TGFBRAP1: variants seen among roughly 807,000 people sequenced by gnomAD.
TGFBRAP1 encodes the protein transforming growth factor-beta receptor-associated protein 1.
TGFBRAP1 carries 20 observed loss-of-function variants against 83.2 expected under a neutral mutation model. That is an observed-to-expected ratio of 0.24 (90% CI 0.17 to 0.35). The LOEUF (loss-of-function observed/expected upper bound fraction) is 0.35, where lower values mean the gene tolerates loss of function less well. Among genes scored for constraint, TGFBRAP1 ranks in the 10% least tolerant of loss-of-function variants. The probability of loss-of-function intolerance (pLI) is 1.00; values close to 1 mark genes in which losing one functional copy is unlikely to be tolerated. For synonymous variants in TGFBRAP1, 415 were observed against 459.8 expected (o/e 0.90, Z 1.25); for missense variants, 950 against 1,099.4 (o/e 0.86, Z 1.92).
At chr2:105,250,539 A>G in the TGFBRAP1 span, among the ~76,000 whole-genome samples, 1 of 150,190 alleles carries the variant, frequency 6.7e-6, no homozygotes, top group Non-Finnish European at 1.5e-5. Flanking sequence ...TGCTGCCGGG[A>G]AGGAAGGAAA....
At chr2:105,267,717 T>C (rs1192051811) in intron 11 of TGFBRAP1, 158 bp from the exon 12 acceptor site, 8 of 985,314 alleles carry the variant, frequency 8.1e-6, no homozygotes, top group Non-Finnish European at 9.6e-6. Flanking sequence ...ATGCTAAAGG[T>C]GTAAATAAAA....
At chr2:105,301,961 G>A in intron 2 of TGFBRAP1, among the ~76,000 whole-genome samples, 1 of 118,676 alleles carries the variant, frequency 8.4e-6, no homozygotes. Context: ...ACAAATACCT[G>A]AAACTTATAT....
chr2:105,269,611 C>T lies in TGFBRAP1; in HGVS notation c.2067G>A (p.Glu689=). The change falls in exon 11 of 12, where the codon GAG becomes GAA. Residue 689 remains glutamate (E), a synonymous_variant. Coordinates refer to ENST00000393359, the MANE Select transcript of TGFBRAP1 (RefSeq NM_004257.6). This position sits in a 1 kb window ranked among gnomAD's most constrained non-coding sequence, Gnocchi z 4.1. ...CCTCGGCCGCTGCAAAGTCCTGCAG[C>T]TCGTGCACCAGGATATGCAGCGCCT... ...HEKALHILVH[E]LQDFAAAEDY... is the part of the protein sequence containing the mutation. 1.2e-6 allele frequency: 2 copies of T among 1,608,354 alleles called. No homozygotes were observed. Among genetic ancestry groups the T allele is most frequent in the Non-Finnish European group, 8.5e-7 (1 of 1,176,442 alleles).
intron 10 of TGFBRAP1, among the ~76,000 whole-genome samples, chr2:105,272,384 G>A (rs1372214576): frequency 2.6e-5 from 4 of 152,204 alleles, no homozygotes; most frequent in East Asian, 1.9e-4. Context: ...GACTGAAGCC[G>A]TCAGAGGGAA....
chr2:105,305,179 A>G (rs1440111468), intron 2 of TGFBRAP1, among the ~76,000 whole-genome samples: 1 of 152,210 alleles, frequency 6.6e-6, no homozygotes, highest in Non-Finnish European at 1.5e-5. Context: ...CTGTGAACCT[A>G]AAACTGCTCT....
chr2:105,310,741 C>A (rs1678663243), intron 1 of TGFBRAP1, among the ~76,000 whole-genome samples: 1 of 152,102 alleles, frequency 6.6e-6, no homozygotes, highest in African/African-American at 2.4e-5. Context: ...ACATTTTTTT[C>A]TCCATTTAAG....
chr2:105,278,071 T>A, intron 6 of TGFBRAP1, among the ~76,000 whole-genome samples: 1 of 12,130 alleles, frequency 8.2e-5, no homozygotes, highest in Non-Finnish European at 2.1e-4. Context: ...AAAATATATG[T>A]GTGTGTGTGT....
At chr2:105,316,462 TGCGCGCGCGCGC>T (rs764527678) in intron 1 of TGFBRAP1, among the ~76,000 whole-genome samples, 4 of 84,816 alleles carry the variant, frequency 4.7e-5, no homozygotes, top group Admixed American at 1.2e-4. Flanking sequence ...TGTGTGTGTG[TGCGCGCGCGCGC>T]GCGCGCACGC....
chr2:105,306,311 T>C, intron 2 of TGFBRAP1, among the ~76,000 whole-genome samples: 1 of 151,974 alleles, frequency 6.6e-6, no homozygotes, highest in East Asian at 2.0e-4. Context: ...ATCCACCTGC[T>C]TTGGCCTCCC....
chr2:105,297,649 T>G (rs1222335496), intron 3 of TGFBRAP1, among the ~76,000 whole-genome samples: 1 of 152,234 alleles, frequency 6.6e-6, no homozygotes, highest in African/African-American at 2.4e-5. Flanking sequence ...TAAAAGCCAT[T>G]CTTAGGTCAA....
At chr2:105,257,489 C>T in the TGFBRAP1 span, among the ~76,000 whole-genome samples, 2 of 152,170 alleles carry the variant, frequency 1.3e-5, no homozygotes, top group Non-Finnish European at 2.9e-5. Flanking sequence ...TTCTAGGTGT[C>T]TCATAGAAGT....
chr2:105,299,918 C>G (rs1678226107), intron 2 of TGFBRAP1, among the ~76,000 whole-genome samples: 1 of 152,210 alleles, frequency 6.6e-6, no homozygotes, highest in Non-Finnish European at 1.5e-5. Context: ...CACCCACAAA[C>G]TAATTCTATT....
chr2:105,293,374 A>T (rs771850873), intron 4 of TGFBRAP1, among the ~76,000 whole-genome samples: 2 of 152,236 alleles, frequency 1.3e-5, no homozygotes, highest in Non-Finnish European at 2.9e-5. Context: ...AAAGTTCTGA[A>T]CAACCCTTTT....
rs773621323 is a variant in TGFBRAP1, at chr2:105,272,916, C to T, written c.1911G>A (p.Thr637=). The change falls in exon 10 of 12, where the codon ACG becomes ACA. Residue 637 remains threonine (T), a synonymous_variant. Transcript: ENST00000393359. The part of the protein sequence containing the change: ...ASGKGAEATE[T]QAKLRRLLQK... ...GGAGCAGCCGCCGCAGCTTGGCCTG[C>T]GTCTCGGTGGCCTCTGCACCCTTGC... 4.3e-6 allele frequency: 7 copies of T among 1,610,622 alleles called. No individual in the cohort carries two copies. In the East Asian group the frequency reaches 6.7e-5, roughly 15 times the overall value.
Position 105,280,460 on chromosome 2 carries a change from T to A in TGFBRAP1, c.1385A>T (p.Asp462Val). The change falls in exon 6 of 12, where the codon GAC (aspartate) becomes GTC (valine). Residue 462 changes from aspartate to valine, a missense_variant. By Grantham distance (152) the Asp-to-Val change is radical. Transcript: ENST00000393359. Reference protein sequence around the residue: ...LLKLYAEADHDSLLDLLVTEN... With the variant: ...LLKLYAEADHVSLLDLLVTEN... ...AGTGACCAGGAGGTCCAGCAGGCTG[T>A]CGTGGTCAGCCTCTGCATACAGTTT... 6.2e-7 allele frequency: 1 copy of A among 1,614,186 alleles called. No homozygotes were observed. The highest frequency in any genetic ancestry group is 8.5e-7 in the Non-Finnish European group (1 of 1,180,020).
At chr2:105,282,985 C>T (rs1290936627) in intron 5 of TGFBRAP1, among the ~76,000 whole-genome samples, 3 of 152,174 alleles carry the variant, frequency 2.0e-5, no homozygotes, top group Non-Finnish European at 4.4e-5. Flanking sequence ...AATCCGAGGA[C>T]TCTTCTAGGA....
chr2:105,307,345 T>C (rs1678536178), intron 2 of TGFBRAP1, among the ~76,000 whole-genome samples: 1 of 152,128 alleles, frequency 6.6e-6, no homozygotes, highest in Non-Finnish European at 1.5e-5. Context: ...GCTGAGAATA[T>C]CCCCACTTCC....
intron 1 of TGFBRAP1, among the ~76,000 whole-genome samples, chr2:105,317,193 C>T (rs1407991414): frequency 6.6e-6 from 1 of 152,042 alleles, no homozygotes; most frequent in Non-Finnish European, 1.5e-5. Context: ...AATCCCAGCA[C>T]TCTGGGAGGC....
chr2:105,260,565 A>T (rs567469328), downstream of TGFBRAP1, among the ~76,000 whole-genome samples: 1 of 152,318 alleles, frequency 6.6e-6, no homozygotes, highest in South Asian at 2.1e-4. Context: ...GATAGAAAGT[A>T]GAATGGTGGG....
Sources: allele counts gnomAD v4.1 joint callset (sites outside exome capture counted in the v4.1 genomes callset), GRCh38; gene constraint gnomAD v4.1.1; non-coding constraint Gnocchi (gnomAD v3.1); transcripts MANE v1.5; gene names NCBI Gene and HGNC (gene_info 2026-07-23, HGNC 2026-07-21).